KIF24: variants seen among roughly 807,000 people sequenced by gnomAD.
KIF24 encodes the protein kinesin-like protein KIF24.
Under a neutral mutation model 118.9 loss-of-function variants are expected in KIF24, and 81 were observed. The observed-to-expected ratio is 0.68, with a 90% confidence interval of 0.57 to 0.82. The LOEUF is 0.82. Ranked by LOEUF, KIF24 falls within the 40% of genes least tolerant of loss-of-function variation. The pLI is 0.00. For synonymous variants in KIF24, 599 were observed against 610.0 expected (o/e 0.98, Z 0.27); for missense variants, 1,560 against 1,661.6 (o/e 0.94, Z 1.06).
intron 1 of KIF24, among the ~76,000 whole-genome samples, chr9:34,326,238 GC>G (rs1330422954): frequency 1.6e-4 from 24 of 152,176 alleles, no homozygotes; most frequent in Admixed American, 3.3e-4. Context: ...TGTGGTCCCA[GC>G]TACTTGGGGG....
chr9:34,261,343 C>T (rs991434328), intron 9 of KIF24, among the ~76,000 whole-genome samples: 1 of 152,142 alleles, frequency 6.6e-6, no homozygotes, highest in Non-Finnish European at 1.5e-5. Context: ...CTAGGTACAC[C>T]CTCCCATGCC....
At chr9:34,269,048 G>A (rs972972067) in intron 8 of KIF24, among the ~76,000 whole-genome samples, 7 of 152,188 alleles carry the variant, frequency 4.6e-5, no homozygotes, top group African/African-American at 1.7e-4. Context: ...TTGACCAGGG[G>A]AAAAGAAGGC....
rs372618681 is a variant in KIF24, at chr9:34,257,576, G to A, written c.2031C>T (p.Asn677=). The change falls in exon 11 of 13, where the codon AAC becomes AAT. Residue 677 remains asparagine (N), a synonymous_variant. Coordinates refer to ENST00000402558, the MANE Select transcript of KIF24 (RefSeq NM_194313.4). Reference sequence around the variant, plus strand: ...TGCTTTCCCACCCAAGGACAGTTTTGTTGCCCATTCGATTTTTCTCAGAGC... The same window carrying A: ...TGCTTTCCCACCCAAGGACAGTTTTATTGCCCATTCGATTTTTCTCAGAGC... ...PLCSEKNRMG[N]KTVLGWESRA... The A allele has an allele frequency of 2.0e-5, 33 of 1,613,940 alleles. No homozygotes were observed. Among genetic ancestry groups the A allele is most frequent in the African/African-American group, 2.7e-5 (2 of 74,934 alleles).
rs1456843622 is a variant in KIF24, at chr9:34,257,451, C to T, written c.2156G>A (p.Arg719Gln). 17 of 1,613,892 alleles carry T rather than the reference C, an allele frequency of 1.1e-5. No homozygotes were observed. Among genetic ancestry groups the T allele is most frequent in the South Asian group, 2.2e-5 (2 of 91,088 alleles). ...GGCGTTGCCAAAGGAGAGCTCAACT[C>T]GAGACACAAGCTGCTTCTGTACTGG... Reference protein sequence around the residue: ...VQPVQKQLVSRVELSFGNAHH... With the variant: ...VQPVQKQLVSQVELSFGNAHH... Residue 719 changes from arginine (R) to glutamine (Q), a missense_variant, in exon 11 of 13, where the codon CGA (arginine) becomes CAA (glutamine). Physicochemically the swap from Arg to Gln is conservative, Grantham distance 43 (BLOSUM62 1). Coordinates refer to ENST00000402558, the MANE Select transcript of KIF24 (RefSeq NM_194313.4).
At chr9:34,320,722 A>C (rs1314334406) in intron 1 of KIF24, among the ~76,000 whole-genome samples, 1 of 151,634 alleles carries the variant, frequency 6.6e-6, no homozygotes, top group Non-Finnish European at 1.5e-5. Flanking sequence ...ATAGCTACAG[A>C]TCTCCCTTGG....
At chr9:34,276,899 A>T (rs1835678279) in intron 6 of KIF24, among the ~76,000 whole-genome samples, 1 of 152,236 alleles carries the variant, frequency 6.6e-6, no homozygotes, top group Non-Finnish European at 1.5e-5. Context: ...AACTAAGCTC[A>T]GATGCTGGGT....
At chr9:34,258,136 C>T (rs936161709) in intron 10 of KIF24, among the ~76,000 whole-genome samples, 155 bp from the exon 11 acceptor site, 4 of 152,132 alleles carry the variant, frequency 2.6e-5, no homozygotes, top group Admixed American at 2.6e-4. Flanking sequence ...AGGGAACATT[C>T]TGTTTCAGCA....
chr9:34,307,265 A>T (rs1245347426), intron 2 of KIF24, among the ~76,000 whole-genome samples: 1 of 152,028 alleles, frequency 6.6e-6, no homozygotes, highest in African/African-American at 2.4e-5. Context: ...GGGTCCCACT[A>T]TCTTGCCCAG....
chr9:34,310,467 A>G (rs1377563465), intron 2 of KIF24, among the ~76,000 whole-genome samples: 1 of 152,214 alleles, frequency 6.6e-6, no homozygotes, highest in Non-Finnish European at 1.5e-5. Context: ...CAGATCTGCT[A>G]CAGATCCTGG....
rs571919779 is a variant in KIF24, at chr9:34,327,605, TAA to T, written c.-26+1499_-26+1500del. Among the ~76,000 whole-genome samples, 529 of 150,814 alleles carry T rather than the reference TAA, an allele frequency of 3.5e-3. 6 individuals carry two copies. The highest frequency in any genetic ancestry group is 0.012 in the African/African-American group (507 of 41,156). ...AATGGTAACTACTACTTTCAGCAGC[TAA>T]AAAAAAAGTCTGTATGGTCTTTGGA... On this transcript the variant is annotated intron_variant, in intron 1 of 12. Coordinates refer to ENST00000402558, the MANE Select transcript of KIF24 (RefSeq NM_194313.4).
rs117554190 is a variant in KIF24, at chr9:34,269,156, A to G, written c.1443+101T>C. ...TTCTATTACTACATAAGAACAGGGC[A>G]GTTGCTTTGCTGATTCCATCCCACA... On this transcript the variant is annotated intron_variant, in intron 8 of 12. Transcript: ENST00000402558. 120 of 643,210 alleles carry G rather than the reference A, an allele frequency of 1.9e-4. No homozygotes were observed. In the East Asian group the frequency reaches 2.4e-3, roughly 13 times the overall value. The allele number at this position is 643,210 out of a possible 1,614,324, so 39.8% of individuals were successfully genotyped here.
chr9:34,276,402 C>CAAA (rs11419785), intron 6 of KIF24, among the ~76,000 whole-genome samples: 19 of 80,668 alleles, frequency 2.4e-4, no homozygotes, highest in East Asian at 1.8e-3. Context: ...AACTGCATCT[C>CAAA]AAAAAAAAAA....
chr9:34,313,589 G>A (rs989062985), intron 1 of KIF24, among the ~76,000 whole-genome samples: 1 of 151,668 alleles, frequency 6.6e-6, no homozygotes, highest in African/African-American at 2.4e-5. Flanking sequence ...TGGGACTATA[G>A]GTGTGAGCCA....
At position 34,256,629 on chromosome 9, in the gene KIF24, G is replaced by C. The variant is rs144207684; in HGVS notation, c.2978C>G (p.Ala993Gly). Reference sequence around the variant, plus strand: ...TCTTTGGTCTGGGGATCCAGGAACTGCAACGTGGGACAATGAGATAGTGAA... The same window carrying C: ...TCTTTGGTCTGGGGATCCAGGAACTCCAACGTGGGACAATGAGATAGTGAA... Reference protein sequence around the residue: ...DGFTISLSHVAVPGSPDQRDT... With the variant: ...DGFTISLSHVGVPGSPDQRDT... Residue 993 changes from alanine to glycine, a missense_variant, in exon 11 of 13, where the codon GCA becomes GGA. This residue lies in a region of KIF24 where 591 missense variants were observed against 655.6 expected (regional missense o/e 0.90). Coordinates refer to ENST00000402558, the MANE Select transcript of KIF24 (RefSeq NM_194313.4). 3 of 1,613,904 alleles carry C rather than the reference G, an allele frequency of 1.9e-6. No homozygotes were observed. Among genetic ancestry groups the C allele is most frequent in the Non-Finnish European group, 2.5e-6 (3 of 1,179,884 alleles).
At chr9:34,326,127 G>A (rs1334436527) in intron 1 of KIF24, among the ~76,000 whole-genome samples, 1 of 152,180 alleles carries the variant, frequency 6.6e-6, no homozygotes, top group Non-Finnish European at 1.5e-5. Flanking sequence ...GAGGCTGAGG[G>A]AGGATTGCTT....
At chr9:34,307,935 TTTC>T (rs1239146027) in intron 2 of KIF24, among the ~76,000 whole-genome samples, 2 of 152,156 alleles carry the variant, frequency 1.3e-5, no homozygotes, top group Non-Finnish European at 2.9e-5. Context: ...GTTCTATTTT[TTTC>T]TTCTTTTGCA....
chr9:34,300,285 G>A (rs901458518), intron 3 of KIF24, among the ~76,000 whole-genome samples: 2 of 152,032 alleles, frequency 1.3e-5, no homozygotes, highest in African/African-American at 2.4e-5. Context: ...ACTGAAGTTG[G>A]GTGACAGGCA....
In KIF24 at chr9:34,318,270, A is replaced by C; in HGVS notation, c.-25-6899T>G. ...TGTAAAAGTTACATAGAAATAGGCT[A>C]TAGAAGAGTAGAATCGTGTCGCGGC... On this transcript the variant is annotated intron_variant, in intron 1 of 12. Coordinates refer to ENST00000402558, the MANE Select transcript of KIF24 (RefSeq NM_194313.4). The surrounding 1 kb of genome is among the most constrained non-coding windows in gnomAD (Gnocchi z 4.9). The C allele has an allele frequency of 1.8e-6, 1 of 545,822 alleles. No individual in the cohort carries two copies. Among genetic ancestry groups the C allele is most frequent in the Non-Finnish European group, 3.3e-6 (1 of 302,442 alleles). The allele number at this position is 545,822 out of a possible 1,614,324, so 33.8% of individuals were successfully genotyped here. A position where few individuals can be genotyped will look rare whatever the true frequency, so the allele number is the denominator to read the frequency against.
rs759144011 is a variant in KIF24 at position 34,311,007 on chromosome 9, C to A, written c.340G>T (p.Asp114Tyr). 1 of 1,613,990 alleles carries A rather than the reference C, an allele frequency of 6.2e-7. No individual in the cohort carries two copies. The highest frequency in any genetic ancestry group is 8.5e-7 in the Non-Finnish European group (1 of 1,179,876). Reference sequence around the variant, plus strand: ...GATAAACTGCACATTTCAAACCCATCATTGCTGGCATTTCTGTCTTTATTG... The same window carrying A: ...GATAAACTGCACATTTCAAACCCATAATTGCTGGCATTTCTGTCTTTATTG... ...ADNKDRNASNDGFEMCSLSDF... is the reference protein window; with the variant it reads ...ADNKDRNASNYGFEMCSLSDF... The change falls in exon 2 of 13, where the codon GAT becomes TAT. Residue 114 changes from aspartate to tyrosine, a missense_variant. Physicochemically the swap from Asp to Tyr is radical, Grantham distance 160 (BLOSUM62 -3). Transcript: ENST00000402558.
Sources: allele counts gnomAD v4.1 joint callset (sites outside exome capture counted in the v4.1 genomes callset), GRCh38; gene constraint gnomAD v4.1.1; regional missense constraint gnomAD v4.1.1; non-coding constraint Gnocchi (gnomAD v3.1); transcripts MANE v1.5; gene names NCBI Gene and HGNC (gene_info 2026-07-23, HGNC 2026-07-21).